CAMKMT: variants seen among roughly 807,000 people sequenced by gnomAD.
The protein encoded by CAMKMT is calmodulin-lysine N-methyltransferase.
Under a neutral mutation model 48.0 loss-of-function variants are expected in CAMKMT, and 53 were observed. The ratio of observed to expected loss-of-function variants is 1.10; its 90% CI spans 0.89 to 1.39. The LOEUF is 1.39. CAMKMT is among the 40% of genes most tolerant of loss of function. CAMKMT has a pLI of 0.00. For missense variants in CAMKMT, 428 were observed against 402.7 expected (o/e 1.06, Z -0.54); for synonymous variants, 165 against 152.3 (o/e 1.08, Z -0.61).
chr2:44,727,601 C>G (rs1311982787), intron 7 of CAMKMT, among the ~76,000 whole-genome samples: 1 of 152,138 alleles, frequency 6.6e-6, no homozygotes, highest in Non-Finnish European at 1.5e-5. Flanking sequence ...CCTTTTATTT[C>G]TTTCTCTTTG....
At chr2:44,725,681 G>A (rs189046209) in intron 7 of CAMKMT, among the ~76,000 whole-genome samples, 67 of 152,292 alleles carry the variant, frequency 4.4e-4, no homozygotes, top group Non-Finnish European at 8.2e-4. Flanking sequence ...GGTAGAAGTA[G>A]AAAAGATGTG....
chr2:44,475,606 C>T (rs189252295), intron 3 of CAMKMT, among the ~76,000 whole-genome samples: 65 of 152,202 alleles, frequency 4.3e-4, no homozygotes, highest in African/African-American at 1.3e-3. Context: ...TGAGCCACCG[C>T]GCCTGGCCTA....
intron 3 of CAMKMT, among the ~76,000 whole-genome samples, chr2:44,677,241 A>C (rs1002805408): frequency 5.9e-5 from 9 of 152,226 alleles, no homozygotes. Flanking sequence ...GAGAGGCAGC[A>C]TGAGCTTATT....
chr2:44,533,584 A>G (rs1666604952), intron 3 of CAMKMT, among the ~76,000 whole-genome samples: 1 of 152,222 alleles, frequency 6.6e-6, no homozygotes, highest in Admixed American at 6.5e-5. Context: ...ATGAAGGAGA[A>G]ATAAATTCTT....
intron 2 of CAMKMT, among the ~76,000 whole-genome samples, chr2:44,377,017 C>T (rs786625): frequency 0.69 from 104,941 of 151,840 alleles, 36,853 homozygotes; most frequent in South Asian, 0.78. Context: ...TTTCTTTCTT[C>T]CTCTTTTTTG....
At chr2:44,497,388 A>T (rs544734934) in intron 3 of CAMKMT, among the ~76,000 whole-genome samples, 1 of 152,264 alleles carries the variant, frequency 6.6e-6, no homozygotes, top group East Asian at 1.9e-4. Context: ...ATAAAAATGA[A>T]TGTGTACATT....
intron 8 of CAMKMT, among the ~76,000 whole-genome samples, chr2:44,753,249 C>CA (rs772390371): frequency 0.052 from 3,395 of 65,272 alleles, 177 homozygotes; most frequent in African/African-American, 0.14. Context: ...CCTGTCCCTA[C>CA]AAAAAAAAAA....
chr2:44,381,403 A>C (rs1253773096), intron 2 of CAMKMT, among the ~76,000 whole-genome samples: 1 of 152,170 alleles, frequency 6.6e-6, no homozygotes, highest in East Asian at 1.9e-4. Context: ...ACAGAGAGGG[A>C]GAGAGACAGA....
At chr2:44,381,538 G>A (rs1680239269) in intron 2 of CAMKMT, among the ~76,000 whole-genome samples, 1 of 152,184 alleles carries the variant, frequency 6.6e-6, no homozygotes, top group African/African-American at 2.4e-5. Context: ...CACTGCAGCA[G>A]TGTGCACAAT....
chr2:44,602,992 C>T (rs901465170), intron 3 of CAMKMT, among the ~76,000 whole-genome samples: 5 of 152,114 alleles, frequency 3.3e-5, no homozygotes, highest in Non-Finnish European at 5.9e-5. Flanking sequence ...AGTATTTAAG[C>T]ATCATTAACC....
intron 3 of CAMKMT, among the ~76,000 whole-genome samples, chr2:44,562,997 T>A (rs1668405946): frequency 6.6e-6 from 1 of 152,120 alleles, no homozygotes; most frequent in Non-Finnish European, 1.5e-5. Context: ...TATGTAAAGG[T>A]TTTTTCTTTT....
At chr2:44,388,698 G>A (rs1681018761) in intron 2 of CAMKMT, among the ~76,000 whole-genome samples, 1 of 152,158 alleles carries the variant, frequency 6.6e-6, no homozygotes, top group Non-Finnish European at 1.5e-5. Flanking sequence ...CCCACTGGGT[G>A]TTCCCTTGAT....
intron 3 of CAMKMT, among the ~76,000 whole-genome samples, chr2:44,407,226 G>T (rs182205348): frequency 6.6e-6 from 1 of 152,136 alleles, no homozygotes; most frequent in East Asian, 1.9e-4. Flanking sequence ...CAATAATTTT[G>T]CTCCCTTCAC....
intron 3 of CAMKMT, among the ~76,000 whole-genome samples, chr2:44,575,033 T>C (rs1043385049): frequency 4.6e-5 from 7 of 151,876 alleles, no homozygotes; most frequent in African/African-American, 1.5e-4. Flanking sequence ...TGGGATTACA[T>C]TGTGAGCCAC....
At chr2:44,735,352 T>G (rs1249022034) in intron 7 of CAMKMT, among the ~76,000 whole-genome samples, 1 of 152,220 alleles carries the variant, frequency 6.6e-6, no homozygotes, top group Non-Finnish European at 1.5e-5. Context: ...TTTAGTACAG[T>G]TACTGATGGG....
At chr2:44,771,106 A>C (rs1038592128) in intron 10 of CAMKMT, among the ~76,000 whole-genome samples, 1 of 152,160 alleles carries the variant, frequency 6.6e-6, no homozygotes, top group Admixed American at 6.5e-5. Context: ...AGAGGGACCA[A>C]CCTGGGAGAG....
intron 3 of CAMKMT, among the ~76,000 whole-genome samples, chr2:44,453,019 A>C (rs1667373696): frequency 6.6e-6 from 1 of 152,060 alleles, no homozygotes; most frequent in South Asian, 2.1e-4. Flanking sequence ...TAATTGATTT[A>C]CTATGCTAAA....
intron 3 of CAMKMT, among the ~76,000 whole-genome samples, chr2:44,596,101 G>C (rs189998619): frequency 3.7e-4 from 56 of 151,330 alleles, no homozygotes; most frequent in South Asian, 2.1e-3. Context: ...AAACCTGCAT[G>C]TTCTGCACAT....
At chr2:44,502,043 A>T (rs1343450166) in intron 3 of CAMKMT, among the ~76,000 whole-genome samples, 1 of 152,150 alleles carries the variant, frequency 6.6e-6, no homozygotes, top group Non-Finnish European at 1.5e-5. Flanking sequence ...CAACATGGTG[A>T]AACTTGTCTC....
Sources: allele counts gnomAD v4.1 joint callset (sites outside exome capture counted in the v4.1 genomes callset), GRCh38; gene constraint gnomAD v4.1.1; transcripts MANE v1.5; gene names NCBI Gene and HGNC (gene_info 2026-07-23, HGNC 2026-07-21).